Variants in ZNF721 observed in about 807,000 individuals in gnomAD.
The protein encoded by ZNF721 is zinc finger protein 721.
A neutral mutation model predicts 2.4 loss-of-function variants in ZNF721; 2 were observed. That is an observed-to-expected ratio of 0.82 (90% confidence interval 0.34 to 2.58). The LOEUF (loss-of-function observed/expected upper bound fraction) is 2.58. Ranked by LOEUF, ZNF721 falls within the 30% of genes most tolerant of loss-of-function variation. The pLI, the probability that ZNF721 is intolerant of heterozygous loss-of-function variation, is 0.11. For missense variants in ZNF721, 1,187 were observed against 1,085.5 expected, an observed-to-expected ratio of 1.09 and a Z score of -1.31; for synonymous variants, 398 against 381.8, an observed-to-expected ratio of 1.04 and a Z score of -0.50.
intron 1 of ZNF721, among the ~76,000 whole-genome samples, chr4:480,250 CT>C (rs1410504617): frequency 3.3e-5 from 5 of 152,136 alleles, no homozygotes; most frequent in African/African-American, 1.2e-4. Flanking sequence ...TTGTTTTACC[CT>C]GTTGAGTCAA....
intron 1 of ZNF721, among the ~76,000 whole-genome samples, chr4:498,421 G>A (rs1716409056): frequency 6.6e-6 from 1 of 152,104 alleles, no homozygotes; most frequent in Non-Finnish European, 1.5e-5. Flanking sequence ...AATAGAATGG[G>A]AGGCAGGTTT....
At chr4:485,975 AAAATAAATAAAT>A (rs563086296) in intron 1 of ZNF721, among the ~76,000 whole-genome samples, 1 of 151,732 alleles carries the variant, frequency 6.6e-6, no homozygotes, top group African/African-American at 2.4e-5. Context: ...CTCCATCTAA[AAAATAAATAAAT>A]AAATAAATAA....
intron 1 of ZNF721, among the ~76,000 whole-genome samples, chr4:493,359 C>T (rs1371958019): frequency 1.3e-5 from 2 of 152,194 alleles, no homozygotes; most frequent in African/African-American, 4.8e-5. Context: ...GTGTACTACA[C>T]TGCCTAAAGC....
rs549002922 is a variant in ZNF721 at position 442,773 on chromosome 4, G to T, written c.1694C>A (p.Thr565Asn). Reference protein sequence around the residue: ...KPYTCEECGKTFRQSANLYVH... With the variant: ...KPYTCEECGKNFRQSANLYVH... Reference sequence around the variant, plus strand: ...ATAAAGGTTTGCGGACTGTCTAAAGGTTTTGCCACATTCTTCACATGTGTA... The same window carrying T: ...ATAAAGGTTTGCGGACTGTCTAAAGTTTTTGCCACATTCTTCACATGTGTA... Residue 565 changes from threonine (T) to asparagine (N), a missense_variant, in exon 3 of 3, where the codon ACC becomes AAC. Thr to Asn is a moderately conservative substitution (Grantham distance 65, BLOSUM62 0). Coordinates refer to ENST00000511833, the MANE Select transcript of ZNF721 (RefSeq NM_133474.4). The T allele has an allele frequency of 7.4e-6, 12 of 1,614,016 alleles. No individual in the cohort carries two copies. The highest frequency in any genetic ancestry group is 1.7e-5 in the Admixed American group (1 of 60,008).
At chr4:491,877 A>G (rs1553871505) in intron 1 of ZNF721, among the ~76,000 whole-genome samples, 1 of 152,148 alleles carries the variant, frequency 6.6e-6, no homozygotes, top group Non-Finnish European at 1.5e-5. Flanking sequence ...AAATTAGGCC[A>G]GATGCAGTGG....
At chr4:482,300 A>T (rs1395817489) in intron 1 of ZNF721, among the ~76,000 whole-genome samples, 2 of 152,020 alleles carry the variant, frequency 1.3e-5, no homozygotes, top group African/African-American at 4.8e-5. Flanking sequence ...AGCCACTAGG[A>T]TTACAGGCAT....
intron 2 of ZNF721, among the ~76,000 whole-genome samples, chr4:450,908 G>A (rs12646712): frequency 0.18 from 22,682 of 124,992 alleles, 2,522 homozygotes; most frequent in Middle Eastern, 0.28. Context: ...CTGAACTCCA[G>A]CCTGGGCGAC....
At chr4:480,846 T>A in intron 1 of ZNF721, among the ~76,000 whole-genome samples, 1 of 146,234 alleles carries the variant, frequency 6.8e-6, no homozygotes, top group Non-Finnish European at 1.5e-5. Context: ...AATGCTGTTA[T>A]ACACATGTGT....
intron 1 of ZNF721, among the ~76,000 whole-genome samples, chr4:485,516 G>A (rs1715871138): frequency 6.6e-6 from 1 of 151,966 alleles, no homozygotes; most frequent in Non-Finnish European, 1.5e-5. Flanking sequence ...AGAGAACAAA[G>A]GCGGGACTGA....
intron 1 of ZNF721, among the ~76,000 whole-genome samples, chr4:490,734 C>A (rs777523128): frequency 6.6e-6 from 1 of 152,130 alleles, no homozygotes; most frequent in African/African-American, 2.4e-5. Context: ...TGTGTGTGCA[C>A]GTGTGCATGC....
chr4:468,008 G>A (rs1348771884), intron 2 of ZNF721, among the ~76,000 whole-genome samples: 7 of 151,832 alleles, frequency 4.6e-5, no homozygotes, highest in African/African-American at 7.2e-5. Flanking sequence ...TGCCGGGTGC[G>A]GTGGCTCACA....
chr4:495,949 T>A (rs1433981774), intron 1 of ZNF721, among the ~76,000 whole-genome samples: 2 of 152,182 alleles, frequency 1.3e-5, no homozygotes, highest in Non-Finnish European at 2.9e-5. Flanking sequence ...AAAATCTTTT[T>A]AAATCTCATT....
chr4:449,939 G>A (rs551561788), intron 2 of ZNF721, among the ~76,000 whole-genome samples: 35 of 152,052 alleles, frequency 2.3e-4, no homozygotes, highest in Non-Finnish European at 2.1e-4. Flanking sequence ...ACATACAGTC[G>A]GTAAAATTGT....
intron 2 of ZNF721, among the ~76,000 whole-genome samples, chr4:466,100 G>T (rs191131531): frequency 4.0e-5 from 6 of 151,116 alleles, no homozygotes; most frequent in Admixed American, 4.0e-4. Flanking sequence ...GGGTTGAAGC[G>T]ATTCTCCTGC....
chr4:466,847 A>G (rs1715268306), intron 2 of ZNF721, among the ~76,000 whole-genome samples: 1 of 152,216 alleles, frequency 6.6e-6, no homozygotes, highest in Admixed American at 6.5e-5. Flanking sequence ...GAATGGCGCC[A>G]CAGATCCAAA....
chr4:440,344 G>A lies in ZNF721; in HGVS notation c.*1351C>T, dbSNP rs1208305420. On this transcript the variant is annotated 3_prime_UTR_variant, in exon 3 of 3. Transcript: ENST00000511833. ...TTATCACATGCTTTCACATAAATGAGAATGTTGAAATAGTATAATTTTAGA... is the reference window on the plus strand; with the variant it reads ...TTATCACATGCTTTCACATAAATGAAAATGTTGAAATAGTATAATTTTAGA... 1.3e-5 allele frequency: 2 copies of A among 152,122 alleles called. No individual in the cohort carries two copies. The highest frequency in any genetic ancestry group is 2.9e-5 in the Non-Finnish European group (2 of 68,016). The allele number at this position is 152,122 out of a possible 1,614,324, so 9.4% of individuals were successfully genotyped here.
In ZNF721 at chr4:441,562, A is replaced by G. The variant is rs544770540; in HGVS notation, c.*133T>C. 4 of 733,054 alleles carry G rather than the reference A, an allele frequency of 5.5e-6. No individual in the cohort carries two copies. The African/African-American group carries it at 7.1e-5, about 13-fold the overall frequency. The allele number at this position is 733,054 out of a possible 1,614,324, so 45.4% of individuals were successfully genotyped here. A position where few individuals can be genotyped will look rare whatever the true frequency, so the allele number is the denominator to read the frequency against. On this transcript the variant is annotated 3_prime_UTR_variant, in exon 3 of 3. Transcript: ENST00000511833. ...TTAGAGTTTCTCTTCATTATGAATT[A>G]TCTTATGATTAGAAAGGATTGAGGA...
chr4:450,951 AAAAAAATATATATAT>A (rs1207296385), intron 2 of ZNF721, among the ~76,000 whole-genome samples: 49 of 50,204 alleles, frequency 9.8e-4, no homozygotes, highest in African/African-American at 1.7e-3. Context: ...AAAAAAAAAA[AAAAAAATATATATAT>A]ATATATATAT....
chr4:490,303 C>T (rs868969072), intron 1 of ZNF721, among the ~76,000 whole-genome samples: 3 of 151,872 alleles, frequency 2.0e-5, no homozygotes, highest in South Asian at 2.1e-4. Context: ...GGTGAAACCC[C>T]GTCTCTACTA....
Sources: gnomAD v4.1 joint callset for allele counts (sites outside exome capture counted in the v4.1 genomes callset) on GRCh38, gnomAD v4.1.1 for gene constraint, MANE v1.5 for transcripts, NCBI Gene and HGNC (gene_info 2026-07-23, HGNC 2026-07-21) for gene names.